Variants in PCYT2 observed in about 807,000 individuals in gnomAD.
The protein encoded by PCYT2 is phosphate cytidylyltransferase 2, ethanolamine.
A neutral mutation model predicts 50.0 loss-of-function variants in PCYT2; 33 were observed. The ratio of observed to expected loss-of-function variants is 0.66; its 90% CI spans 0.50 to 0.88. PCYT2 has a LOEUF of 0.88. Ranked by LOEUF, PCYT2 falls within the 40% of genes least tolerant of loss-of-function variation. The probability of loss-of-function intolerance (pLI) is 0.00; values close to 1 mark genes in which losing one functional copy is unlikely to be tolerated. For missense variants in PCYT2, 430 were observed against 519.7 expected, an observed-to-expected ratio of 0.83 and a Z score of 1.68; for synonymous variants, 240 against 203.7, an observed-to-expected ratio of 1.18 and a Z score of -1.52.
At chr17:81,906,567 A>G (rs760788194) in intron 7 of PCYT2, 21 bp from the exon 8 acceptor site, 11 of 1,610,916 alleles carry the variant, frequency 6.8e-6, no homozygotes, top group Non-Finnish European at 9.3e-6. Context: ...GTTAAGAAGC[A>G]GTCGGGATGG....
rs543383539 is a variant in PCYT2, at chr17:81,911,172, G to A, written c.89+95C>T. 59 of 1,010,426 alleles carry A rather than the reference G, an allele frequency of 5.8e-5. No homozygotes were observed. In the African/African-American group the frequency reaches 1.0e-3, roughly 17 times the overall value. The allele number at this position is 1,010,426 out of a possible 1,614,324, so 62.6% of individuals were successfully genotyped here. Reference sequence around the variant, plus strand: ...CCATGCCGGACGAGGACGCCACCCAGAACGCGGGCCCGGTCCCCGGGCAAC... The same window carrying A: ...CCATGCCGGACGAGGACGCCACCCAAAACGCGGGCCCGGTCCCCGGGCAAC... On this transcript the variant is annotated intron_variant, in intron 1 of 12. Transcript: ENST00000538936.
intron 4 of PCYT2, 51 bp from the exon 5 acceptor site, chr17:81,907,908 C>A: frequency 6.9e-7 from 1 of 1,451,494 alleles, no homozygotes; most frequent in South Asian, 1.3e-5. Flanking sequence ...TCGCAAGGCT[C>A]TGCCTCCTGC....
At chr17:81,906,401 C>A (rs111946308) in intron 8 of PCYT2, 63 bp downstream of exon 8, 1 of 1,514,106 alleles carries the variant, frequency 6.6e-7, no homozygotes, top group African/African-American at 1.4e-5. Context: ...CTAACAGCAA[C>A]GCTTAGGGCC....
At chr17:81,907,041 G>T in intron 6 of PCYT2, 143 bp from the exon 7 acceptor site, 1 of 1,121,074 alleles carries the variant, frequency 8.9e-7, no homozygotes, top group Non-Finnish European at 1.3e-6. Context: ...TGCCAGGCCA[G>T]GTGGCAGGTG....
Position 81,902,995 on chromosome 17 carries a change from T to TGCGGCG in PCYT2, c.*1832_*1837dup. The TGCGGCG allele has an allele frequency of 2.0e-6, 1 of 488,832 alleles. No individual in the cohort carries two copies. The highest frequency in any genetic ancestry group is 4.0e-5 in the Admixed American group (1 of 25,268). 30.3% of individuals were successfully genotyped at this position (488,832 alleles called of 1,614,324 possible). A position where few individuals can be genotyped will look rare whatever the true frequency, so the allele number is the denominator to read the frequency against. On this transcript the variant is annotated 3_prime_UTR_variant, in exon 13 of 13. Transcript: ENST00000538936. ...CTGGGTATGAGAAGGCAGCCGAGTG[T>TGCGGCG]GCGGCGGCAGGGCAAGGTTGGCCTG...
At chr17:81,909,241 T>G in intron 2 of PCYT2, 1 of 1,430,632 alleles carries the variant, frequency 7.0e-7, no homozygotes, top group East Asian at 2.5e-5. Context: ...CAGAGATTCC[T>G]TCTGACGAGC....
rs113178010 is a variant in PCYT2, at chr17:81,905,737, T to C, written c.838-2A>G. 6.2e-7 allele frequency: 1 copy of C among 1,613,308 alleles called. No individual in the cohort carries two copies. Among genetic ancestry groups the C allele is most frequent in the Non-Finnish European group, 8.5e-7 (1 of 1,179,886 alleles). On this transcript the variant is annotated splice_acceptor_variant, in intron 9 of 12. Coordinates refer to ENST00000538936, the MANE Select transcript of PCYT2 (RefSeq NM_002861.5). LOFTEE classifies it high-confidence loss of function. ...TCCAATCACCACTTCTGACACGTAC[T>C]GTGGGGACAGTGGGGGCAGAAAGAC...
At position 81,910,988 on chromosome 17, in the gene PCYT2, G is replaced by A. The variant is rs1163562126; in HGVS notation, c.89+279C>T. 8 of 992,792 alleles carry A rather than the reference G, an allele frequency of 8.1e-6. No individual in the cohort carries two copies. In the Admixed American group the frequency reaches 1.8e-4, roughly 23 times the overall value. 61.5% of individuals were successfully genotyped at this position (992,792 alleles called of 1,614,324 possible). A position where few individuals can be genotyped will look rare whatever the true frequency, so the allele number is the denominator to read the frequency against. ...CTGGTGGTTACGGAGAAGCAGGGAGGCCGTGGCTCCAGATCTCAGCGCGGT... is the reference window on the plus strand; with the variant it reads ...CTGGTGGTTACGGAGAAGCAGGGAGACCGTGGCTCCAGATCTCAGCGCGGT... On this transcript the variant is annotated intron_variant, in intron 1 of 12. Transcript: ENST00000538936.
At position 81,910,282 on chromosome 17, in the gene PCYT2, G is replaced by A. The variant is rs2040510855; in HGVS notation, c.90-680C>T. ...TGGGCCTCGCTGCCCTGGCTTCTTCGCCACTTCTTTACAGCAGCGGCCCAT... is the reference window on the plus strand; with the variant it reads ...TGGGCCTCGCTGCCCTGGCTTCTTCACCACTTCTTTACAGCAGCGGCCCAT... On this transcript the variant is annotated intron_variant, in intron 1 of 12. Transcript: ENST00000538936. Among the ~76,000 whole-genome samples, 3 of 152,140 alleles carry A rather than the reference G, an allele frequency of 2.0e-5. No individual in the cohort carries two copies. In the South Asian group the frequency reaches 6.2e-4, roughly 31 times the overall value.
chr17:81,906,681 G>T, intron 7 of PCYT2, 79 bp downstream of exon 7: 1 of 1,593,938 alleles, frequency 6.3e-7, no homozygotes. Context: ...CAGTCTGGGG[G>T]CCCCAAGGAG....
In PCYT2 at chr17:81,911,329, T is replaced by C; in HGVS notation, c.27A>G (p.Ala9=). The C allele has an allele frequency of 2.7e-6, 3 of 1,106,770 alleles. No homozygotes were observed. The highest frequency in any genetic ancestry group is 8.8e-5 in the East Asian group (1 of 11,362). The allele number at this position is 1,106,770 out of a possible 1,614,324, so 68.6% of individuals were successfully genotyped here. The change falls in exon 1 of 13, where the codon GCA becomes GCG. Residue 9 remains alanine, a synonymous_variant. Coordinates refer to ENST00000538936, the MANE Select transcript of PCYT2 (RefSeq NM_002861.5). MIRNGRGA[A]GGAEQPGPGG... ...CCGGGCCCGGCTGCTCTGCGCCGCCTGCAGCCCCGCGCCCGTTCCGGATCA... is the reference window on the plus strand; with the variant it reads ...CCGGGCCCGGCTGCTCTGCGCCGCCCGCAGCCCCGCGCCCGTTCCGGATCA...
At chr17:81,911,049 C>T (rs544739747) in intron 1 of PCYT2, 2 of 998,890 alleles carry the variant, frequency 2.0e-6, no homozygotes, top group African/African-American at 1.7e-5. Flanking sequence ...CCGGGCGGGG[C>T]CTCCGCCAGA....
At chr17:81,905,600 C>T (rs2040217838) in intron 10 of PCYT2, 70 bp downstream of exon 10, 1 of 1,526,564 alleles carries the variant, frequency 6.6e-7, no homozygotes, top group Admixed American at 1.7e-5. Context: ...CCACAGCCAG[C>T]CTGCATTCCC....
At position 81,904,071 on chromosome 17, in the gene PCYT2, G is replaced by C. The variant is rs989982124; in HGVS notation, c.*762C>G. ...CTTATTCTAGCATCGCCTGCTACAGGGGGTGGCCCCAGGCTTTGGAGGGCT... is the reference window on the plus strand; with the variant it reads ...CTTATTCTAGCATCGCCTGCTACAGCGGGTGGCCCCAGGCTTTGGAGGGCT... On this transcript the variant is annotated 3_prime_UTR_variant, in exon 13 of 13. Transcript: ENST00000538936. 5.3e-5 allele frequency: 8 copies of C among 152,250 alleles called. No individual in the cohort carries two copies. Among genetic ancestry groups the C allele is most frequent in the Non-Finnish European group, 8.8e-5 (6 of 68,092 alleles). 9.4% of individuals were successfully genotyped at this position (152,250 alleles called of 1,614,324 possible). A position where few individuals can be genotyped will look rare whatever the true frequency, so the allele number is the denominator to read the frequency against.
At chr17:81,905,998 A>G (rs2040242035) in intron 9 of PCYT2, 102 bp downstream of exon 9, 1 of 1,051,408 alleles carries the variant, frequency 9.5e-7, no homozygotes, top group East Asian at 2.6e-5. Context: ...CAGCTCTGCC[A>G]GTGACCCAAG....
rs1034155839 is a variant in PCYT2 at position 81,901,902 on chromosome 17, G to A, written c.*2931C>T. On this transcript the variant is annotated 3_prime_UTR_variant, in exon 13 of 13. Transcript: ENST00000538936. ...ACTGTGCAGTGTGGCTGGCTCTCCAGCATCAGGAGTACTGGGGATTGCCTG... is the reference window on the plus strand; with the variant it reads ...ACTGTGCAGTGTGGCTGGCTCTCCAACATCAGGAGTACTGGGGATTGCCTG... 17 of 169,758 alleles carry A rather than the reference G, an allele frequency of 1.0e-4. No homozygotes were observed. The highest frequency in any genetic ancestry group is 1.9e-4 in the Non-Finnish European group (15 of 79,972). 10.5% of individuals were successfully genotyped at this position (169,758 alleles called of 1,614,324 possible).
In PCYT2 at chr17:81,906,241, C is replaced by T. The variant is rs141292625; in HGVS notation, c.760-64G>A. 2.6e-4 allele frequency: 365 copies of T among 1,412,720 alleles called. No homozygotes were observed. In the East Asian group the frequency reaches 8.5e-3, roughly 33 times the overall value. 87.5% of individuals were successfully genotyped at this position (1,412,720 alleles called of 1,614,324 possible). ...TTGGGGGGACAGGGTGTGCCCCTCC[C>T]GGCTGTCCCTCATGGGAAGAAGTCG... On this transcript the variant is annotated intron_variant, in intron 8 of 12. Transcript: ENST00000538936.
intron 1 of PCYT2, chr17:81,910,867 G>A: frequency 1.0e-6 from 1 of 987,038 alleles, no homozygotes; most frequent in African/African-American, 1.7e-5. Context: ...CTTCACCGCG[G>A]GTCCCGGACA....
At chr17:81,907,079 G>T in intron 6 of PCYT2, 181 bp from the exon 7 acceptor site, 1 of 1,046,886 alleles carries the variant, frequency 9.6e-7, no homozygotes, top group Non-Finnish European at 1.4e-6. Context: ...CACAACCACA[G>T]CAGGCACCGC....
Sources: gnomAD v4.1 joint callset for allele counts (sites outside exome capture counted in the v4.1 genomes callset) on GRCh38, gnomAD v4.1.1 for gene constraint, MANE v1.5 for transcripts, NCBI Gene and HGNC (gene_info 2026-07-23, HGNC 2026-07-21) for gene names.